SHISA9: variants seen among roughly 807,000 people sequenced by gnomAD.
SHISA9 encodes protein shisa-9.
A neutral mutation model predicts 38.0 loss-of-function variants in SHISA9; 13 were observed. The observed-to-expected ratio is 0.34, with a 90% confidence interval of 0.22 to 0.54. SHISA9 has a LOEUF of 0.54. SHISA9 is among the 20% of genes least tolerant of loss of function. The probability of loss-of-function intolerance (pLI) is 0.91; values close to 1 mark genes in which losing one functional copy is unlikely to be tolerated. For missense variants in SHISA9, 538 were observed against 575.8 expected (o/e 0.93, Z 0.67); for synonymous variants, 275 against 242.0 (o/e 1.14, Z -1.27).
intron 4 of SHISA9, among the ~76,000 whole-genome samples, chr16:13,217,763 C>T (rs561591664): frequency 1.5e-4 from 23 of 152,298 alleles, no homozygotes; most frequent in Non-Finnish European, 2.8e-4. Flanking sequence ...GGCGTGGTGG[C>T]TCATGCCTGT....
At chr16:13,519,083 T>C in the SHISA9 span, among the ~76,000 whole-genome samples, 1 of 152,158 alleles carries the variant, frequency 6.6e-6, no homozygotes, top group Non-Finnish European at 1.5e-5. Flanking sequence ...ATTATAGCAA[T>C]TATTATTTAT....
the SHISA9 span, among the ~76,000 whole-genome samples, chr16:13,444,417 G>GAGGA: frequency 0.062 from 8,673 of 140,464 alleles, 362 homozygotes; most frequent in Non-Finnish European, 0.095. Context: ...GGGAGGGAGG[G>GAGGA]AGGAAGGAAG....
At chr16:13,197,429 T>G (rs532460667) in intron 2 of SHISA9, among the ~76,000 whole-genome samples, 1 of 152,334 alleles carries the variant, frequency 6.6e-6, no homozygotes, top group South Asian at 2.1e-4. Context: ...TTACCTTAAG[T>G]GGCTCTGAGT....
chr16:13,501,643 C>T, the SHISA9 span, among the ~76,000 whole-genome samples: 1 of 152,190 alleles, frequency 6.6e-6, no homozygotes, highest in Non-Finnish European at 1.5e-5. Flanking sequence ...ACCACATCTG[C>T]TTTATTTACT....
rs1177084418 is a variant in SHISA9, at chr16:12,902,779, C to T, written c.563+152C>T. On this transcript the variant is annotated intron_variant, in intron 1 of 4. Transcript: ENST00000558583. ...GATGTCACCGGGAAGCCAACTTCGG[C>T]TTGGAACACGGAGAAGGGGCGCTGG... 12 of 812,990 alleles carry T rather than the reference C, an allele frequency of 1.5e-5. No homozygotes were observed. The African/African-American group carries it at 2.1e-4, about 14-fold the overall frequency. 50.4% of individuals were successfully genotyped at this position (812,990 alleles called of 1,614,324 possible).
the SHISA9 span, among the ~76,000 whole-genome samples, chr16:13,356,605 G>C: frequency 6.6e-6 from 1 of 152,110 alleles, no homozygotes; most frequent in African/African-American, 2.4e-5. Flanking sequence ...GACCTAGCTC[G>C]GCCTGGTGAG....
chr16:13,073,224 T>C (rs74423553), intron 2 of SHISA9, among the ~76,000 whole-genome samples: 13,776 of 120,216 alleles, frequency 0.11, 691 homozygotes, highest in Non-Finnish European at 0.16. Flanking sequence ...CTCTCTCTCT[T>C]TTTTTTTTTT....
the SHISA9 span, among the ~76,000 whole-genome samples, chr16:13,373,471 G>A: frequency 6.6e-6 from 1 of 152,188 alleles, no homozygotes; most frequent in African/African-American, 2.4e-5. Context: ...CCGTAAGATG[G>A]GAGTGATGAG....
chr16:13,507,259 A>T, the SHISA9 span, among the ~76,000 whole-genome samples: 38,780 of 151,838 alleles, frequency 0.26, 5,567 homozygotes, highest in African/African-American at 0.4. Flanking sequence ...GAGTGCAAGT[A>T]ATTTCCCAAA....
intron 4 of SHISA9, among the ~76,000 whole-genome samples, chr16:13,227,328 G>T (rs548577150): frequency 1.3e-5 from 2 of 152,216 alleles, no homozygotes; most frequent in Admixed American, 6.5e-5. Context: ...TTCAAAGGGG[G>T]TAGGAGAAAG....
At chr16:13,392,880 C>G in the SHISA9 span, among the ~76,000 whole-genome samples, 1 of 152,250 alleles carries the variant, frequency 6.6e-6, no homozygotes, top group Non-Finnish European at 1.5e-5. Context: ...AAGGGATTCT[C>G]TTACTCACAG....
At chr16:13,186,749 T>A (rs1165599847) in intron 2 of SHISA9, among the ~76,000 whole-genome samples, 1 of 152,224 alleles carries the variant, frequency 6.6e-6, no homozygotes, top group Non-Finnish European at 1.5e-5. Context: ...CAGCCCCTGG[T>A]AACCATTCTA....
At chr16:13,457,372 G>T in the SHISA9 span, among the ~76,000 whole-genome samples, 1 of 152,090 alleles carries the variant, frequency 6.6e-6, no homozygotes, top group African/African-American at 2.4e-5. Flanking sequence ...AACTCAGGGT[G>T]CTTTTGCTCC....
the SHISA9 span, among the ~76,000 whole-genome samples, chr16:13,438,911 C>G: frequency 6.6e-6 from 1 of 152,126 alleles, no homozygotes; most frequent in South Asian, 2.1e-4. Context: ...AATGAGAAAA[C>G]TAGAAAAAGT....
chr16:13,081,635 C>T (rs747846102), intron 2 of SHISA9, among the ~76,000 whole-genome samples: 12 of 151,848 alleles, frequency 7.9e-5, no homozygotes, highest in African/African-American at 2.9e-4. Flanking sequence ...ATAATCAGAG[C>T]GCTTGTCTCC....
chr16:13,246,615 C>T, the SHISA9 span, among the ~76,000 whole-genome samples: 1 of 152,206 alleles, frequency 6.6e-6, no homozygotes, highest in Non-Finnish European at 1.5e-5. Context: ...CTTCATTCTT[C>T]TCTTCTTGCT....
chr16:13,500,012 G>A, the SHISA9 span, among the ~76,000 whole-genome samples: 9 of 152,294 alleles, frequency 5.9e-5, no homozygotes, highest in Non-Finnish European at 1.0e-4. Flanking sequence ...ATATAGCAGC[G>A]TGGTGTGATA....
chr16:13,441,030 G>A, the SHISA9 span, among the ~76,000 whole-genome samples: 3 of 152,134 alleles, frequency 2.0e-5, no homozygotes, highest in African/African-American at 7.2e-5. Flanking sequence ...AGCAAGAGGT[G>A]GGGTCTGGGA....
chr16:12,995,339 A>G (rs993743416), intron 2 of SHISA9, among the ~76,000 whole-genome samples: 2 of 152,120 alleles, frequency 1.3e-5, no homozygotes, highest in Non-Finnish European at 1.5e-5. Context: ...CTTTTTAGCT[A>G]TTTGGGCTGG....
Sources: gnomAD v4.1 joint callset for allele counts (sites outside exome capture counted in the v4.1 genomes callset) on GRCh38, gnomAD v4.1.1 for gene constraint, MANE v1.5 for transcripts, NCBI Gene and HGNC (gene_info 2026-07-23, HGNC 2026-07-21) for gene names.